COL6A6: variants seen among roughly 807,000 people sequenced by gnomAD.
COL6A6 encodes collagen alpha-6(VI) chain.
COL6A6 carries 183 observed loss-of-function variants against 208.6 expected under a neutral mutation model. That is an observed-to-expected ratio of 0.88 (90% confidence interval 0.78 to 0.99). The LOEUF (loss-of-function observed/expected upper bound fraction) is 0.99, where lower values mean the gene tolerates loss of function less well. COL6A6 is among the 50% of genes least tolerant of loss of function. The pLI, the probability that COL6A6 is intolerant of heterozygous loss-of-function variation, is 0.00. For missense variants in COL6A6, 2,816 were observed against 2,815.2 expected (o/e 1.00, Z -0.01); for synonymous variants, 973 against 1,011.8 (o/e 0.96, Z 0.73).
At chr3:130,648,977 GAATGCTTA>G in intron 32 of COL6A6, 84 bp from the exon 33 acceptor site, 1 of 1,041,378 alleles carries the variant, frequency 9.6e-7, no homozygotes, top group Non-Finnish European at 1.3e-6. Context: ...TTAAGTATTT[GAATGCTTA>G]ACATTTAAAA....
intron 26 of COL6A6, among the ~76,000 whole-genome samples, chr3:130,628,140 G>A (rs2064946674): frequency 6.6e-6 from 1 of 152,144 alleles, no homozygotes; most frequent in African/African-American, 2.4e-5. Flanking sequence ...AGGCCATCTG[G>A]AAGAATAAAG....
chr3:130,574,307 C>T lies in COL6A6; in HGVS notation c.3329C>T (p.Thr1110Ile), dbSNP rs758826093. 4.5e-5 allele frequency: 72 copies of T among 1,613,888 alleles called. No individual in the cohort carries two copies. The highest frequency in any genetic ancestry group is 8.0e-5 in the African/African-American group (6 of 74,932). Reference sequence around the variant, plus strand: ...ACCCCACAGGTGCTGCTGGTCCTTACAGATGGCCAGTCCCAAGACGAGGTG... The same window carrying T: ...ACCCCACAGGTGCTGCTGGTCCTTATAGATGGCCAGTCCCAAGACGAGGTG... The part of the protein sequence containing the change: ...TGTPQVLLVL[T>I]DGQSQDEVAQ... Residue 1110 changes from threonine (T) to isoleucine (I), a missense_variant, in exon 8 of 37, where the codon ACA becomes ATA. Coordinates refer to ENST00000358511, the MANE Select transcript of COL6A6 (RefSeq NM_001102608.3).
intron 13 of COL6A6, among the ~76,000 whole-genome samples, chr3:130,591,920 GA>G (rs1486451415): frequency 2.6e-5 from 4 of 152,182 alleles, no homozygotes; most frequent in African/African-American, 9.7e-5. Context: ...AAGTTTGGGG[GA>G]AAAGTATGTT....
At position 130,598,563 on chromosome 3, in the gene COL6A6, G is replaced by A. The variant is rs115223264; in HGVS notation, c.4599+133G>A. The A allele has an allele frequency of 2.6e-3, 1,682 of 644,134 alleles. 25 individuals are homozygous for A. In the African/African-American group the frequency reaches 0.028, roughly 11 times the overall value. 39.9% of individuals were successfully genotyped at this position (644,134 alleles called of 1,614,324 possible). On this transcript the variant is annotated intron_variant, in intron 19 of 36. Transcript: ENST00000358511. ...CTTGGTACAGAAAAACCATTATTAG[G>A]AGCAAAATGATCTTTTCTCCTGCCT... is the stretch of plus-strand genomic sequence containing the variant.
chr3:130,601,585 T>C (rs2064021368), intron 20 of COL6A6, among the ~76,000 whole-genome samples: 1 of 152,204 alleles, frequency 6.6e-6, no homozygotes, highest in Admixed American at 6.5e-5. Context: ...ACTTTCACTG[T>C]TTTATAGCCT....
chr3:130,532,533 C>T (rs1188913265), intron 1 of COL6A6, among the ~76,000 whole-genome samples: 1 of 152,188 alleles, frequency 6.6e-6, no homozygotes, highest in African/African-American at 2.4e-5. Flanking sequence ...AGGTGACTTA[C>T]TCATGAATGT....
intron 1 of COL6A6, among the ~76,000 whole-genome samples, chr3:130,557,802 G>A (rs1185821978): frequency 1.3e-5 from 2 of 152,172 alleles, no homozygotes; most frequent in Non-Finnish European, 2.9e-5. Context: ...GCCCCAAGAG[G>A]TGTTGTACAA....
At chr3:130,601,324 C>T (rs1457221371) in intron 20 of COL6A6, among the ~76,000 whole-genome samples, 2 of 148,920 alleles carry the variant, frequency 1.3e-5, no homozygotes, top group Non-Finnish European at 3.0e-5. Flanking sequence ...TACACTCCAT[C>T]GAAAAATATT....
At chr3:130,518,509 A>G (rs1710871550) in intron 1 of COL6A6, among the ~76,000 whole-genome samples, 1 of 151,196 alleles carries the variant, frequency 6.6e-6, no homozygotes, top group Admixed American at 6.6e-5. Context: ...TTGTCAATTA[A>G]TTTCTCCTTT....
intron 18 of COL6A6, among the ~76,000 whole-genome samples, chr3:130,597,027 G>A (rs1240164748): frequency 1.3e-5 from 2 of 152,110 alleles, no homozygotes; most frequent in African/African-American, 4.8e-5. Context: ...TGCAATTTGG[G>A]TTGTTCTGTT....
chr3:130,590,685 G>C (rs1030564753), intron 12 of COL6A6, among the ~76,000 whole-genome samples: 1 of 151,534 alleles, frequency 6.6e-6, no homozygotes, highest in African/African-American at 2.4e-5. Flanking sequence ...CTCCTGCCTC[G>C]GCCTCCTGAG....
intron 32 of COL6A6, 142 bp downstream of exon 32, chr3:130,645,144 CAG>C: frequency 2.6e-6 from 2 of 777,642 alleles, no homozygotes; most frequent in Admixed American, 1.9e-5. Context: ...ATACTGGTAG[CAG>C]AGTCTTGCCT....
At chr3:130,548,022 A>G (rs1188262463) in intron 1 of COL6A6, among the ~76,000 whole-genome samples, 2 of 152,068 alleles carry the variant, frequency 1.3e-5, no homozygotes, top group East Asian at 1.9e-4. Flanking sequence ...TGAACTCCTC[A>G]CTTCAGGTGA....
chr3:130,531,840 A>G (rs2062103987), intron 1 of COL6A6, among the ~76,000 whole-genome samples: 1 of 152,228 alleles, frequency 6.6e-6, no homozygotes, highest in South Asian at 2.1e-4. Flanking sequence ...TGAGAAGAGC[A>G]GAGTCTACCT....
intron 26 of COL6A6, among the ~76,000 whole-genome samples, chr3:130,634,238 T>TAAAAAAAAAAAAAAAAAAAAAAAAAA (rs1553713527): frequency 1.9e-4 from 3 of 16,204 alleles, no homozygotes; most frequent in African/African-American, 9.8e-4. Context: ...AATAAATAAA[T>TAAAAAAAAAAAAAAAAAAAAAAAAAA]AAATAAAAAA....
intron 1 of COL6A6, among the ~76,000 whole-genome samples, chr3:130,543,461 G>C (rs1174429562): frequency 6.6e-6 from 1 of 152,002 alleles, no homozygotes; most frequent in Non-Finnish European, 1.5e-5. Flanking sequence ...TTTTAACTGA[G>C]CATTTTATGA....
chr3:130,554,902 A>G (rs1319525134), intron 1 of COL6A6, among the ~76,000 whole-genome samples: 2 of 152,226 alleles, frequency 1.3e-5, no homozygotes, highest in Admixed American at 1.3e-4. Context: ...CGGCCAGCAT[A>G]GGAGCTATGA....
chr3:130,661,654 GCTT>G lies in COL6A6; in HGVS notation c.5852_5854del (p.Ser1951del), dbSNP rs1198971750. 1 of 1,612,814 alleles carries G rather than the reference GCTT, an allele frequency of 6.2e-7. No individual in the cohort carries two copies. Among genetic ancestry groups the G allele is most frequent in the South Asian group, 1.1e-5 (1 of 90,962 alleles). On this transcript the variant is annotated inframe_deletion, in exon 35 of 37. Transcript: ENST00000358511. ...GTTCACAGATGTGTGCAAGCCAGATGCTTCTTGTGACCAAGCCAGACCACCCCC... is the reference window on the plus strand; with the variant it reads ...GTTCACAGATGTGTGCAAGCCAGATGCTTGTGACCAAGCCAGACCACCCCC...
intron 8 of COL6A6, among the ~76,000 whole-genome samples, chr3:130,580,630 T>G (rs1166423590): frequency 6.6e-6 from 1 of 152,214 alleles, no homozygotes; most frequent in East Asian, 1.9e-4. Flanking sequence ...CTGTATGTGT[T>G]CAGTTTGCTG....
Sources: allele counts gnomAD v4.1 joint callset (sites outside exome capture counted in the v4.1 genomes callset), GRCh38; gene constraint gnomAD v4.1.1; transcripts MANE v1.5; gene names NCBI Gene and HGNC (gene_info 2026-07-23, HGNC 2026-07-21).